Variants in CSMD2 observed in about 807,000 individuals in gnomAD.
The protein encoded by CSMD2 is CUB and Sushi multiple domains 2.
In CSMD2, 130 loss-of-function variants were observed where a neutral mutation model predicts 398.5. That is an observed-to-expected ratio of 0.33 (90% CI 0.28 to 0.38). CSMD2 has a LOEUF of 0.38. Among genes scored for constraint, CSMD2 ranks in the 10% least tolerant of loss-of-function variants. The pLI is 1.00. For missense variants in CSMD2, 3,829 were observed against 4,764.9 expected, an observed-to-expected ratio of 0.80 and a Z score of 5.78; for synonymous variants, 1,828 against 1,908.5, an observed-to-expected ratio of 0.96 and a Z score of 1.10.
chr1:34,094,597 G>A (rs1442613638), intron 1 of CSMD2, among the ~76,000 whole-genome samples: 13 of 152,184 alleles, frequency 8.5e-5, no homozygotes, highest in Middle Eastern at 3.4e-3. Flanking sequence ...AAAAAAGGCA[G>A]GGGTTGCAAT....
intron 19 of CSMD2, among the ~76,000 whole-genome samples, chr1:33,723,067 C>T (rs919859485): frequency 1.2e-4 from 18 of 152,206 alleles, no homozygotes; most frequent in African/African-American, 3.6e-4. Flanking sequence ...TGTGCACACA[C>T]GGAGGGATCT....
intron 42 of CSMD2, among the ~76,000 whole-genome samples, chr1:33,604,812 TAGA>T (rs10535689): frequency 0.55 from 83,021 of 151,632 alleles, 23,222 homozygotes; most frequent in Admixed American, 0.61. Flanking sequence ...CAGCCCTGTG[TAGA>T]AGGAGAGTAT....
chr1:33,809,592 A>T (rs758164655), intron 10 of CSMD2, among the ~76,000 whole-genome samples: 1 of 152,074 alleles, frequency 6.6e-6, no homozygotes, highest in Non-Finnish European at 1.5e-5. Flanking sequence ...GTGAAGAAAT[A>T]AAAACATTCT....
rs143571706 is a variant in CSMD2, at chr1:34,052,495, C to CTGTGTGTGTG, written c.405-19799_405-19790dup. Among the ~76,000 whole-genome samples the CTGTGTGTGTG allele has an allele frequency of 9.7e-3, 1,300 of 134,128 alleles. 18 individuals are homozygous for CTGTGTGTGTG. The highest frequency in any genetic ancestry group is 0.029 in the African/African-American group (1,007 of 34,958). 88.0% of individuals were successfully genotyped at this position (134,128 alleles called of 152,430 possible). The stretch of plus-strand genomic sequence containing the variant: ...GAGAAATCAATCCCCTATGGGACAA[C>CTGTGTGTGTG]TGTGTGTGTGTGTGTGTGTGTGTGT... On this transcript the variant is annotated intron_variant, in intron 2 of 70. Coordinates refer to ENST00000373381, the MANE Select transcript of CSMD2 (RefSeq NM_001281956.2).
At chr1:33,804,874 G>A in intron 10 of CSMD2, 1 of 717,326 alleles carries the variant, frequency 1.4e-6, no homozygotes, top group East Asian at 2.7e-5. Context: ...TTGTTGCATT[G>A]TATGTTCCCT....
chr1:34,014,750 G>A (rs1312874268), intron 3 of CSMD2, among the ~76,000 whole-genome samples: 1 of 152,236 alleles, frequency 6.6e-6, no homozygotes, highest in Non-Finnish European at 1.5e-5. Flanking sequence ...GGTATTCAAG[G>A]CATATGAATG....
At chr1:34,079,552 C>T (rs1490546538) in intron 2 of CSMD2, among the ~76,000 whole-genome samples, 7 of 152,124 alleles carry the variant, frequency 4.6e-5, no homozygotes, top group Non-Finnish European at 1.0e-4. Flanking sequence ...CCTTGCCTGA[C>T]CCCCTAAATT....
chr1:33,693,173 G>A, intron 24 of CSMD2, 117 bp from the exon 25 acceptor site: 1 of 1,207,676 alleles, frequency 8.3e-7, no homozygotes, highest in Non-Finnish European at 1.1e-6. Flanking sequence ...TTCATTTCAA[G>A]TGATTGAGCA....
At chr1:33,766,495 C>T (rs977339702) in intron 13 of CSMD2, among the ~76,000 whole-genome samples, 1 of 152,140 alleles carries the variant, frequency 6.6e-6, no homozygotes, top group African/African-American at 2.4e-5. Flanking sequence ...AATGTTTTCT[C>T]ATTGAAAAAC....
intron 66 of CSMD2, 24 bp downstream of exon 66, chr1:33,524,858 T>A: frequency 6.2e-7 from 1 of 1,611,176 alleles, no homozygotes; most frequent in Non-Finnish European, 8.5e-7. Context: ...CCTCCCGGCT[T>A]TCATAGAGGG....
intron 28 of CSMD2, among the ~76,000 whole-genome samples, chr1:33,647,495 C>T (rs977138852): frequency 1.3e-5 from 2 of 152,074 alleles, no homozygotes; most frequent in African/African-American, 2.4e-5. Context: ...TGGAATGGCT[C>T]GAGTGAAAAT....
At chr1:33,865,581 G>C (rs1261697888) in intron 5 of CSMD2, among the ~76,000 whole-genome samples, 5 of 152,100 alleles carry the variant, frequency 3.3e-5, no homozygotes, top group Non-Finnish European at 4.4e-5. Context: ...TCAGTGGTGG[G>C]CATGTGACCC....
intron 2 of CSMD2, among the ~76,000 whole-genome samples, chr1:34,074,596 T>C (rs747898045): frequency 1.3e-4 from 20 of 152,246 alleles, no homozygotes; most frequent in Non-Finnish European, 2.5e-4. Flanking sequence ...CATAAGTATT[T>C]GTTTAGCATC....
In CSMD2 at chr1:34,107,851, C is replaced by T. The variant is rs74068071; in HGVS notation, c.188-18658G>A. 8.7e-3 allele frequency among the ~76,000 whole-genome samples: 1,329 copies of T among 152,214 alleles called. 20 individuals carry two copies. Among genetic ancestry groups the T allele is most frequent in the African/African-American group, 0.03 (1,253 of 41,522 alleles). ...TGGCAGAAAGGGGACCACATGGGGACGCCTGAGCACATTGAACTTCCCAGA... is the reference window on the plus strand; with the variant it reads ...TGGCAGAAAGGGGACCACATGGGGATGCCTGAGCACATTGAACTTCCCAGA... On this transcript the variant is annotated intron_variant, in intron 1 of 70. Coordinates refer to ENST00000373381, the MANE Select transcript of CSMD2 (RefSeq NM_001281956.2).
intron 67 of CSMD2, among the ~76,000 whole-genome samples, chr1:33,522,722 C>G (rs750021541): frequency 6.6e-6 from 1 of 152,148 alleles, no homozygotes; most frequent in African/African-American, 2.4e-5. Context: ...AAGTGGAGGA[C>G]GTGGTAGGGG....
chr1:33,825,832 G>A (rs536118145), intron 6 of CSMD2, 58 bp from the exon 7 acceptor site: 6 of 1,406,670 alleles, frequency 4.3e-6, no homozygotes, highest in South Asian at 1.2e-5. Flanking sequence ...CAGGGATAAG[G>A]GTCCCTCTAG....
chr1:33,953,392 C>T (rs900357329), intron 3 of CSMD2, among the ~76,000 whole-genome samples: 5 of 152,068 alleles, frequency 3.3e-5, no homozygotes, highest in Non-Finnish European at 7.3e-5. Context: ...TCTCACATGC[C>T]CCTGAATCCT....
intron 5 of CSMD2, among the ~76,000 whole-genome samples, chr1:33,868,586 A>C (rs1197858846): frequency 6.6e-6 from 1 of 152,022 alleles, no homozygotes; most frequent in African/African-American, 2.4e-5. Context: ...AAATACAAAA[A>C]TTAGCCAGGT....
intron 6 of CSMD2, among the ~76,000 whole-genome samples, chr1:33,830,904 G>C (rs1006806093): frequency 3.9e-5 from 6 of 152,172 alleles, no homozygotes; most frequent in African/African-American, 1.2e-4. Context: ...TGGAAGAAAG[G>C]GTATCAGTGA....
Sources: gnomAD v4.1 joint callset for allele counts (sites outside exome capture counted in the v4.1 genomes callset) on GRCh38, gnomAD v4.1.1 for gene constraint, MANE v1.5 for transcripts, NCBI Gene and HGNC (gene_info 2026-07-23, HGNC 2026-07-21) for gene names.